AKAP6: variants seen among roughly 807,000 people sequenced by gnomAD.
The protein encoded by AKAP6 is A-kinase anchoring protein 6.
AKAP6 carries 58 observed loss-of-function variants against 188.5 expected under a neutral mutation model. The ratio of observed to expected loss-of-function variants is 0.31; its 90% CI spans 0.25 to 0.38. The LOEUF (loss-of-function observed/expected upper bound fraction) is 0.38, where lower values mean the gene tolerates loss of function less well. AKAP6 is among the 10% of genes least tolerant of loss of function. AKAP6 has a pLI of 1.00. For synonymous variants in AKAP6, 989 were observed against 998.6 expected (o/e 0.99, Z 0.18); for missense variants, 2,710 against 2,740.0 (o/e 0.99, Z 0.24).
At chr14:32,677,014 C>T (rs891012458) in intron 7 of AKAP6, among the ~76,000 whole-genome samples, 8 of 151,962 alleles carry the variant, frequency 5.3e-5, no homozygotes, top group African/African-American at 1.4e-4. Flanking sequence ...TTAGTAGAGA[C>T]GGGGTTTCGC....
rs1409694209 is a variant in AKAP6 at position 32,828,527 on chromosome 14, TCTCACACACACACACA to T, written c.*43-1319_*43-1304del. Among the ~76,000 whole-genome samples, 280 of 76,650 alleles carry T rather than the reference TCTCACACACACACACA, an allele frequency of 3.7e-3. 1 individual carries two copies. The highest frequency in any genetic ancestry group is 0.026 in the African/African-American group (206 of 8,068). 50.3% of individuals were successfully genotyped at this position (76,650 alleles called of 152,430 possible). Reference sequence around the variant, plus strand: ...ATCTATCTCTCTCTCTCTCTCTCTCTCTCACACACACACACACACACACACACACACACACACACAC... The same window carrying T: ...ATCTATCTCTCTCTCTCTCTCTCTCTCACACACACACACACACACACACAC... On this transcript the variant is annotated intron_variant, in intron 13 of 13. Coordinates refer to ENST00000280979, the MANE Select transcript of AKAP6 (RefSeq NM_004274.5).
intron 2 of AKAP6, among the ~76,000 whole-genome samples, chr14:32,492,355 T>TATATATATATATATAGAGAGAGAGAGAG: frequency 6.1e-5 from 5 of 82,608 alleles, no homozygotes; most frequent in Non-Finnish European, 1.3e-4. Flanking sequence ...TATATATATA[T>TATATATATATATATAGAGAGAGAGAGAG]AGAGAGAGAG....
At chr14:32,388,083 G>C (rs906301562) in intron 1 of AKAP6, among the ~76,000 whole-genome samples, 3 of 151,828 alleles carry the variant, frequency 2.0e-5, no homozygotes, top group African/African-American at 7.2e-5. Flanking sequence ...GAGGGTTGTA[G>C]CTTTCCAGGA....
chr14:32,705,109 A>G (rs1389138211), intron 9 of AKAP6, among the ~76,000 whole-genome samples: 1 of 152,224 alleles, frequency 6.6e-6, no homozygotes, highest in Non-Finnish European at 1.5e-5. Context: ...AACTTTGGAA[A>G]GAAGCACATT....
At chr14:32,563,896 T>TA (rs1884073470) in intron 4 of AKAP6, among the ~76,000 whole-genome samples, 1 of 152,236 alleles carries the variant, frequency 6.6e-6, no homozygotes, top group Non-Finnish European at 1.5e-5. Flanking sequence ...ATTTATAATT[T>TA]TGTCACACAA....
At chr14:32,684,179 C>T (rs1023579612) in intron 8 of AKAP6, among the ~76,000 whole-genome samples, 1 of 142,994 alleles carries the variant, frequency 7.0e-6, no homozygotes, top group Non-Finnish European at 1.5e-5. Context: ...CCTCAGCCAA[C>T]ATTAAGGACA....
At chr14:32,424,350 A>G (rs1301411214) in intron 1 of AKAP6, among the ~76,000 whole-genome samples, 1 of 149,516 alleles carries the variant, frequency 6.7e-6, no homozygotes, top group Non-Finnish European at 1.5e-5. Flanking sequence ...TCCCTTCAAC[A>G]CTCAATTATC....
Position 32,600,680 on chromosome 14 carries a change from G to A in AKAP6, c.2618G>A (p.Arg873Lys), listed in dbSNP as rs1323473682. Residue 873 changes from arginine to lysine, a missense_variant, in exon 7 of 14, where the codon AGG becomes AAG. By Grantham distance (26) the Arg-to-Lys change is conservative. This residue lies in a region of AKAP6 where 2,473 missense variants were observed against 2,426.1 expected (regional missense o/e 1.02). Transcript: ENST00000280979. ...GCAAGTCAATGGAAGGAGCTGCAGA[G>A]GCAAATCAAACGGCAGCACAGCTGG... ...MIASQWKELQRQIKRQHSWIL... is the reference protein window; with the variant it reads ...MIASQWKELQKQIKRQHSWIL... The A allele has an allele frequency of 1.2e-6, 2 of 1,613,470 alleles. No individual in the cohort carries two copies. The highest frequency in any genetic ancestry group is 1.3e-5 in the African/African-American group (1 of 74,912).
At chr14:32,532,879 G>C (rs752025788) in intron 2 of AKAP6, among the ~76,000 whole-genome samples, 4 of 152,194 alleles carry the variant, frequency 2.6e-5, no homozygotes, top group Non-Finnish European at 5.9e-5. Flanking sequence ...GCTAGCAGGA[G>C]GGTAGTATTT....
chr14:32,508,521 G>A (rs1412081583), intron 2 of AKAP6, among the ~76,000 whole-genome samples: 1 of 152,214 alleles, frequency 6.6e-6, no homozygotes, highest in Non-Finnish European at 1.5e-5. Flanking sequence ...GAAAAACTCA[G>A]CAGGATTTGG....
intron 2 of AKAP6, chr14:32,495,304 G>A (rs1326774392): frequency 1.3e-5 from 2 of 152,218 alleles, no homozygotes; most frequent in African/African-American, 4.8e-5. Context: ...GGTTGGTGGT[G>A]GAGTAGCTGA....
chr14:32,609,875 T>TGA (rs1178559234), intron 7 of AKAP6, among the ~76,000 whole-genome samples: 2 of 117,916 alleles, frequency 1.7e-5, no homozygotes, highest in Admixed American at 9.2e-5. Flanking sequence ...TCTCTCTCTC[T>TGA]CTCTGACACA....
chr14:32,480,686 T>C (rs974607045), intron 2 of AKAP6, among the ~76,000 whole-genome samples: 1 of 148,722 alleles, frequency 6.7e-6, no homozygotes, highest in Non-Finnish European at 1.5e-5. Context: ...CTATGGTAGG[T>C]GAGGTTTGGT....
At chr14:32,800,061 C>CTCTCTATATATATATA (rs377693074) in intron 12 of AKAP6, among the ~76,000 whole-genome samples, 3 of 136,944 alleles carry the variant, frequency 2.2e-5, no homozygotes, top group Non-Finnish European at 4.7e-5. Flanking sequence ...CTCTCTCTCT[C>CTCTCTATATATATATA]TATATATATA....
In AKAP6 at chr14:32,568,982, C is replaced by A. The variant is rs1376654189; in HGVS notation, c.2347-8138C>A. The stretch of plus-strand genomic sequence containing the variant: ...TAAACCCATAGGGAGCAACTGAATT[C>A]AAAATCTCTAGATTTGTTAGATGAA... On this transcript the variant is annotated intron_variant, in intron 4 of 13. Coordinates refer to ENST00000280979, the MANE Select transcript of AKAP6 (RefSeq NM_004274.5). The surrounding 1 kb of genome is among the most constrained non-coding windows in gnomAD (Gnocchi z 6.2). Among the ~76,000 whole-genome samples, 6 of 152,152 alleles carry A rather than the reference C, an allele frequency of 3.9e-5. No homozygotes were observed. Among genetic ancestry groups the A allele is most frequent in the Admixed American group, 2.6e-4 (4 of 15,278 alleles).
chr14:32,823,404 A>T lies in AKAP6; in HGVS notation c.5591A>T (p.Lys1864Met). Reference protein sequence around the residue: ...KRVSENNGNGKNSSHTHELGT... With the variant: ...KRVSENNGNGMNSSHTHELGT... ...GTCTCTGAAAATAATGGAAATGGTAAGAATTCATCTCATACCCATGAGTTA... is the reference window on the plus strand; with the variant it reads ...GTCTCTGAAAATAATGGAAATGGTATGAATTCATCTCATACCCATGAGTTA... The change falls in exon 13 of 14, where the codon AAG becomes ATG. Residue 1864 changes from lysine to methionine, a missense_variant. By Grantham distance (95) the Lys-to-Met change is moderately conservative (BLOSUM62 -1). This residue lies in a region of AKAP6 where 2,473 missense variants were observed against 2,426.1 expected (regional missense o/e 1.02). Coordinates refer to ENST00000280979, the MANE Select transcript of AKAP6 (RefSeq NM_004274.5). 6.2e-7 allele frequency: 1 copy of T among 1,613,818 alleles called. No homozygotes were observed.
chr14:32,747,201 C>A (rs756631025), intron 11 of AKAP6, among the ~76,000 whole-genome samples: 1 of 152,108 alleles, frequency 6.6e-6, no homozygotes, highest in African/African-American at 2.4e-5. Context: ...TTCCTCTGAC[C>A]CCAAAACCAC....
chr14:32,543,352 C>T (rs1301907919), intron 3 of AKAP6, among the ~76,000 whole-genome samples: 3 of 152,196 alleles, frequency 2.0e-5, no homozygotes, highest in Non-Finnish European at 4.4e-5. Flanking sequence ...CAAGCTCATA[C>T]ATGTTGTCAC....
intron 2 of AKAP6, among the ~76,000 whole-genome samples, chr14:32,462,968 G>A (rs1308614906): frequency 7.6e-5 from 5 of 66,204 alleles, no homozygotes; most frequent in East Asian, 3.3e-4. Flanking sequence ...CAGTCTTTAA[G>A]CCAACAAAGA....
Sources: allele counts gnomAD v4.1 joint callset (sites outside exome capture counted in the v4.1 genomes callset), GRCh38; gene constraint gnomAD v4.1.1; regional missense constraint gnomAD v4.1.1; non-coding constraint Gnocchi (gnomAD v3.1); transcripts MANE v1.5; gene names NCBI Gene and HGNC (gene_info 2026-07-23, HGNC 2026-07-21).